RPS28: variants seen among roughly 807,000 people sequenced by gnomAD.
RPS28 encodes the protein ribosomal protein S28, also known as small ribosomal subunit protein eS28.
In RPS28, 2 loss-of-function variants were observed where a neutral mutation model predicts 9.4. The observed-to-expected ratio is 0.21, with a 90% CI of 0.09 to 0.67. The LOEUF (loss-of-function observed/expected upper bound fraction) is 0.67. RPS28 is among the 30% of genes least tolerant of loss of function. The probability of loss-of-function intolerance (pLI) is 0.82; values close to 1 mark genes in which losing one functional copy is unlikely to be tolerated. For synonymous variants in RPS28, 41 were observed against 37.8 expected, an observed-to-expected ratio of 1.08 and a Z score of -0.31; for missense variants, 35 against 95.3, an observed-to-expected ratio of 0.37 and a Z score of 2.63.
At chr19:8,321,806 C>T in intron 2 of RPS28, 103 bp downstream of exon 2, 2 of 1,503,928 alleles carry the variant, frequency 1.3e-6, no homozygotes, top group Admixed American at 2.0e-5. Context: ...AGCCGATTCT[C>T]ATTTCATCAC....
chr19:8,322,779 C>T lies in RPS28; in HGVS notation c.*524C>T. 1 of 1,322,076 alleles carries T rather than the reference C, an allele frequency of 7.6e-7. No homozygotes were observed. Among genetic ancestry groups the T allele is most frequent in the South Asian group, 1.2e-5 (1 of 82,082 alleles). The allele number at this position is 1,322,076 out of a possible 1,614,324, so 81.9% of individuals were successfully genotyped here. A position where few individuals can be genotyped will look rare whatever the true frequency, so the allele number is the denominator to read the frequency against. On this transcript the variant is annotated 3_prime_UTR_variant, in exon 4 of 4. Transcript: ENST00000600659. ...CCTGGACCCTTCTGTGCGCCAAAGG[C>T]TGAGGTGACTGACGAGGAGATCTCC...
chr19:8,321,563 G>A lies in RPS28; in HGVS notation c.33G>A (p.Leu11=), dbSNP rs747576291. 6 of 1,584,800 alleles carry A rather than the reference G, an allele frequency of 3.8e-6. No homozygotes were observed. The highest frequency in any genetic ancestry group is 2.3e-5 in the South Asian group (2 of 87,364). The change falls in exon 1 of 4, where the codon CTG becomes CTA. Residue 11 remains leucine (L), a synonymous_variant. Coordinates refer to ENST00000600659, the MANE Select transcript of RPS28 (RefSeq NM_001031.5). ...CCAGCCGTGTGCAGCCTATCAAGCTGGCCAGGGTGAGGTGGGGGCCCGAAT... is the reference window on the plus strand; with the variant it reads ...CCAGCCGTGTGCAGCCTATCAAGCTAGCCAGGGTGAGGTGGGGGCCCGAAT... MDTSRVQPIK[L]ARVTKVLGRT...
Position 8,321,637 on chromosome 19 carries a change from C to T in RPS28, c.40-19C>T. On this transcript the variant is annotated intron_variant, in intron 1 of 3. Coordinates refer to ENST00000600659, the MANE Select transcript of RPS28 (RefSeq NM_001031.5). ...AGGAGCCAAACGGGCCGGGTCTGAA[C>T]CCAGCTTCTTTCCTCCAGGTCACCA... 1.3e-6 allele frequency: 2 copies of T among 1,555,792 alleles called. No individual in the cohort carries two copies.
At position 8,322,100 on chromosome 19, in the gene RPS28, A is replaced by C. The variant is rs745931750; in HGVS notation, c.*16+9A>C. ...AGCTTGGCTGCTCGCTGGTGGGTGC[A>C]AAGAGGACACCCCTTTGATAGACCT... On this transcript the variant is annotated intron_variant, in intron 3 of 3. Coordinates refer to ENST00000600659, the MANE Select transcript of RPS28 (RefSeq NM_001031.5). The C allele has an allele frequency of 2.2e-5, 36 of 1,609,556 alleles. No homozygotes were observed. Among genetic ancestry groups the C allele is most frequent in the African/African-American group, 1.6e-4 (12 of 74,812 alleles).
chr19:8,322,478 C>T lies in RPS28; in HGVS notation c.*223C>T. On this transcript the variant is annotated 3_prime_UTR_variant, in exon 4 of 4. Transcript: ENST00000600659. ...CCCAGGCGGTCACCGATCCTCCGCA[C>T]TCTGGAAATCCTGGCCGTGCGGTCT... is the stretch of plus-strand genomic sequence containing the variant. 1.9e-6 allele frequency: 1 copy of T among 519,986 alleles called. No homozygotes were observed. Among genetic ancestry groups the T allele is most frequent in the Admixed American group, 2.5e-5 (1 of 39,994 alleles). 32.2% of individuals were successfully genotyped at this position (519,986 alleles called of 1,614,324 possible). A position where few individuals can be genotyped will look rare whatever the true frequency, so the allele number is the denominator to read the frequency against.
Position 8,323,253 on chromosome 19 carries a change from C to G in RPS28, c.*998C>G, listed in dbSNP as rs1441738976. On this transcript the variant is annotated 3_prime_UTR_variant, in exon 4 of 4. Coordinates refer to ENST00000600659, the MANE Select transcript of RPS28 (RefSeq NM_001031.5). ...TAGCATGGTCCATCTTAAGCTTGTTCAGAACGCCTTAGCCTGTAGTTGGGG... is the reference window on the plus strand; with the variant it reads ...TAGCATGGTCCATCTTAAGCTTGTTGAGAACGCCTTAGCCTGTAGTTGGGG... The G allele has an allele frequency of 5.2e-6, 1 of 193,378 alleles. No individual in the cohort carries two copies. 12.0% of individuals were successfully genotyped at this position (193,378 alleles called of 1,614,324 possible).
chr19:8,321,580 G>T lies in RPS28; in HGVS notation c.39+11G>T, dbSNP rs769538147. On this transcript the variant is annotated intron_variant, in intron 1 of 3. Transcript: ENST00000600659. Reference sequence around the variant, plus strand: ...ATCAAGCTGGCCAGGGTGAGGTGGGGGCCCGAATTTGGGGGCAGGGGGAGG... The same window carrying T: ...ATCAAGCTGGCCAGGGTGAGGTGGGTGCCCGAATTTGGGGGCAGGGGGAGG... 1.3e-6 allele frequency: 2 copies of T among 1,577,288 alleles called. No homozygotes were observed. Among genetic ancestry groups the T allele is most frequent in the Non-Finnish European group, 1.7e-6 (2 of 1,163,158 alleles).
At position 8,323,203 on chromosome 19, in the gene RPS28, A is replaced by G. The variant is rs1970354854; in HGVS notation, c.*948A>G. On this transcript the variant is annotated 3_prime_UTR_variant, in exon 4 of 4. Transcript: ENST00000600659. ...TTGCAAGTTGAAATGTGTTTAATACACCTAATCTCCCAAACATCACAGCTT... is the reference window on the plus strand; with the variant it reads ...TTGCAAGTTGAAATGTGTTTAATACGCCTAATCTCCCAAACATCACAGCTT... 1 of 261,170 alleles carries G rather than the reference A, an allele frequency of 3.8e-6. No individual in the cohort carries two copies. The highest frequency in any genetic ancestry group is 5.3e-5 in the Admixed American group (1 of 19,004). 16.2% of individuals were successfully genotyped at this position (261,170 alleles called of 1,614,324 possible). A position where few individuals can be genotyped will look rare whatever the true frequency, so the allele number is the denominator to read the frequency against.
Position 8,321,693 on chromosome 19 carries a change from A to G in RPS28, c.77A>G (p.Gln26Arg), listed in dbSNP as rs1599635694. 6.4e-7 allele frequency: 1 copy of G among 1,564,374 alleles called. No homozygotes were observed. The highest frequency in any genetic ancestry group is 1.9e-5 in the Admixed American group (1 of 54,026). Reference protein sequence around the residue: ...KVLGRTGSQGQCTQVRVEFMD... With the variant: ...KVLGRTGSQGRCTQVRVEFMD... ...CTGGGCAGGACCGGTTCTCAGGGACAGTGCACGCAGGTAATCGGGTGGGGG... is the reference window on the plus strand; with the variant it reads ...CTGGGCAGGACCGGTTCTCAGGGACGGTGCACGCAGGTAATCGGGTGGGGG... Residue 26 changes from glutamine to arginine, a missense_variant, in exon 2 of 4, where the codon CAG becomes CGG. By Grantham distance (43) the Gln-to-Arg change is conservative. Transcript: ENST00000600659.
intron 3 of RPS28, 74 bp downstream of exon 3, chr19:8,322,165 G>C (rs1223542027): frequency 1.3e-6 from 2 of 1,496,922 alleles, no homozygotes; most frequent in Non-Finnish European, 1.8e-6. Flanking sequence ...CCCAGGGTGA[G>C]AGGGTTTGGG....
Position 8,322,110 on chromosome 19 carries a change from C to T in RPS28, c.*16+19C>T, listed in dbSNP as rs768950929. 11 of 1,606,666 alleles carry T rather than the reference C, an allele frequency of 6.8e-6. No individual in the cohort carries two copies. The highest frequency in any genetic ancestry group is 8.5e-6 in the Non-Finnish European group (10 of 1,175,634). ...CTCGCTGGTGGGTGCAAAGAGGACA[C>T]CCCTTTGATAGACCTTTGGTTGGTG... On this transcript the variant is annotated intron_variant, in intron 3 of 3. Transcript: ENST00000600659.
chr19:8,321,901 C>G lies in RPS28; in HGVS notation c.88-52C>G, dbSNP rs756754419. On this transcript the variant is annotated intron_variant, in intron 2 of 3. Coordinates refer to ENST00000600659, the MANE Select transcript of RPS28 (RefSeq NM_001031.5). ...CATATCTGCTTCCCACTCCGCGGTG[C>G]CTTTCCGCGGCCCGCCCTTACTTCT... is the stretch of plus-strand genomic sequence containing the variant. 1.9e-6 allele frequency: 3 copies of G among 1,604,544 alleles called. No homozygotes were observed. In the South Asian group the frequency reaches 3.4e-5, roughly 18 times the overall value.
Position 8,322,033 on chromosome 19 carries a change from C to G in RPS28, c.168C>G (p.Leu56=), listed in dbSNP as rs1322688609. 5 of 1,613,146 alleles carry G rather than the reference C, an allele frequency of 3.1e-6. No homozygotes were observed. Among genetic ancestry groups the G allele is most frequent in the Non-Finnish European group, 4.2e-6 (5 of 1,179,652 alleles). ...VKGPVREGDV[L]TLLESEREAR... is the part of the protein sequence containing the mutation. ...GCCCCGTGCGCGAGGGCGACGTGCTCACCCTTTTGGAGTCAGAGCGAGAAG... is the reference window on the plus strand; with the variant it reads ...GCCCCGTGCGCGAGGGCGACGTGCTGACCCTTTTGGAGTCAGAGCGAGAAG... The change falls in exon 3 of 4, where the codon CTC becomes CTG. Residue 56 remains leucine (L), a synonymous_variant. Transcript: ENST00000600659.
chr19:8,322,192 CAG>C, intron 3 of RPS28, 78 bp from the exon 4 acceptor site: 1 of 1,282,444 alleles, frequency 7.8e-7, no homozygotes, highest in Non-Finnish European at 1.1e-6. Context: ...AGTCTACATA[CAG>C]AGACTGACAA....
Position 8,322,941 on chromosome 19 carries a change from A to T in RPS28, c.*686A>T. 7.3e-7 allele frequency: 1 copy of T among 1,372,412 alleles called. No homozygotes were observed. Among genetic ancestry groups the T allele is most frequent in the South Asian group, 1.4e-5 (1 of 71,572 alleles). 85.0% of individuals were successfully genotyped at this position (1,372,412 alleles called of 1,614,324 possible). On this transcript the variant is annotated 3_prime_UTR_variant, in exon 4 of 4. Coordinates refer to ENST00000600659, the MANE Select transcript of RPS28 (RefSeq NM_001031.5). ...ACTCGCTCTGGAGAGAGGGGAAAAG[A>T]GGGGGGCCTGCTGCAATCTCCTTGA...
In RPS28 at chr19:8,321,667, C is replaced by T. The variant is rs759222141; in HGVS notation, c.51C>T (p.Val17=). 2 of 1,563,002 alleles carry T rather than the reference C, an allele frequency of 1.3e-6. No individual in the cohort carries two copies. Among genetic ancestry groups the T allele is most frequent in the Non-Finnish European group, 1.7e-6 (2 of 1,154,006 alleles). Residue 17 remains valine, a synonymous_variant, in exon 2 of 4, where the codon GTC becomes GTT. Transcript: ENST00000600659. ...CTTCTTTCCTCCAGGTCACCAAGGT[C>T]CTGGGCAGGACCGGTTCTCAGGGAC... is the stretch of plus-strand genomic sequence containing the variant. ...QPIKLARVTK[V]LGRTGSQGQC...
chr19:8,322,149 G>T, intron 3 of RPS28, 58 bp downstream of exon 3: 2 of 1,572,436 alleles, frequency 1.3e-6, no homozygotes, highest in Non-Finnish European at 1.7e-6. Flanking sequence ...GGGAGGCTTC[G>T]TTAAGCCCAG....
At position 8,322,421 on chromosome 19, in the gene RPS28, G is replaced by A; in HGVS notation, c.*166G>A. ...ACTCAGGTTCTTGTCTGGGTTATAC[G>A]ACTAGGGTTTCTCCAGGTTTCTTGA... On this transcript the variant is annotated 3_prime_UTR_variant, in exon 4 of 4. Transcript: ENST00000600659. 3.7e-6 allele frequency: 2 copies of A among 543,946 alleles called. No individual in the cohort carries two copies. Among genetic ancestry groups the A allele is most frequent in the South Asian group, 1.5e-5 (1 of 65,242 alleles). 33.7% of individuals were successfully genotyped at this position (543,946 alleles called of 1,614,324 possible).
At chr19:8,321,767 G>C in intron 2 of RPS28, 64 bp downstream of exon 2, 3 of 1,527,304 alleles carry the variant, frequency 2.0e-6, no homozygotes, top group Non-Finnish European at 2.7e-6. Context: ...CCTCTACCCT[G>C]CCCTAACCCC....
Sources: gnomAD v4.1 joint callset for allele counts on GRCh38, gnomAD v4.1.1 for gene constraint, MANE v1.5 for transcripts, NCBI Gene and HGNC (gene_info 2026-07-23, HGNC 2026-07-21) for gene names.